Variants in NAV1 observed in about 807,000 individuals in gnomAD.
The protein encoded by NAV1 is pore membrane and/or filament interacting like protein 3.
In NAV1, 18 loss-of-function variants were observed where a neutral mutation model predicts 175.2. The observed-to-expected ratio is 0.10, with a 90% CI of 0.07 to 0.15. The LOEUF (loss-of-function observed/expected upper bound fraction) is 0.15, where lower values mean the gene tolerates loss of function less well. Ranked by LOEUF, NAV1 falls within the 10% of genes least tolerant of loss-of-function variation. The pLI is 1.00. For synonymous variants in NAV1, 897 were observed against 978.7 expected, an observed-to-expected ratio of 0.92 and a Z score of 1.56; for missense variants, 1,731 against 2,436.6, an observed-to-expected ratio of 0.71 and a Z score of 6.10.
In NAV1 at chr1:201,689,948, G is replaced by A. The variant is rs553377553; in HGVS notation, c.758-22869G>A. On this transcript the variant is annotated intron_variant, in intron 1 of 29. Transcript: ENST00000367296. ...GTGGCAGAGTGTGTCTGGTTCCTCC[G>A]TGGCCTGTCTGTGGCAGAATGCTGG... 7.0e-4 allele frequency among the ~76,000 whole-genome samples: 94 copies of A among 133,988 alleles called. 4 individuals carry two copies. In the South Asian group the frequency reaches 0.02, roughly 28 times the overall value. The allele number at this position is 133,988 out of a possible 152,430, so 87.9% of individuals were successfully genotyped here.
chr1:201,714,011 C>T (rs1672028167), intron 2 of NAV1, among the ~76,000 whole-genome samples: 1 of 152,188 alleles, frequency 6.6e-6, no homozygotes, highest in African/African-American at 2.4e-5. Context: ...GAGTCTCATT[C>T]TGTCGCCCAC....
chr1:201,594,617 C>T (rs573112338), intron 2 of NAV1, among the ~76,000 whole-genome samples: 26 of 152,318 alleles, frequency 1.7e-4, no homozygotes, highest in Non-Finnish European at 3.1e-4. Flanking sequence ...AGGCAGGCAG[C>T]AAAGTAGCAT....
intron 3 of NAV1, among the ~76,000 whole-genome samples, chr1:201,755,765 C>T (rs2102612735): frequency 6.6e-6 from 1 of 152,224 alleles, no homozygotes; most frequent in South Asian, 2.1e-4. Context: ...TAAACCTCCT[C>T]CTTATGCCTG....
chr1:201,599,010 C>A (rs1667441450), intron 2 of NAV1, among the ~76,000 whole-genome samples: 1 of 152,174 alleles, frequency 6.6e-6, no homozygotes. Context: ...ATTTCTGGAG[C>A]CTCTAGTGGG....
intron 2 of NAV1, among the ~76,000 whole-genome samples, chr1:201,631,173 G>GGTGC (rs1668471324): frequency 6.6e-6 from 1 of 152,218 alleles, no homozygotes; most frequent in Admixed American, 6.5e-5. Context: ...AGGGTTCACT[G>GGTGC]CACTGCCTCT....
At chr1:201,590,192 C>T (rs1236270859) in intron 2 of NAV1, among the ~76,000 whole-genome samples, 2 of 152,222 alleles carry the variant, frequency 1.3e-5, no homozygotes, top group Non-Finnish European at 2.9e-5. Context: ...CATGCCCGCC[C>T]AGGGAAGACA....
Position 201,812,328 on chromosome 1 carries a change from T to C in NAV1, c.5025-137T>C. 1 of 822,786 alleles carries C rather than the reference T, an allele frequency of 1.2e-6. No homozygotes were observed. The highest frequency in any genetic ancestry group is 1.7e-5 in the South Asian group (1 of 59,086). The allele number at this position is 822,786 out of a possible 1,614,324, so 51.0% of individuals were successfully genotyped here. A position where few individuals can be genotyped will look rare whatever the true frequency, so the allele number is the denominator to read the frequency against. On this transcript the variant is annotated intron_variant, in intron 26 of 29. Transcript: ENST00000367296. This position sits in a 1 kb window ranked among gnomAD's most constrained non-coding sequence, Gnocchi z 4.6. ...AGGGCTGCTGCTCTGAGTTCCGATG[T>C]CCCCACTATTACTTGAAAAGAAACC...
chr1:201,557,133 T>C (rs1462335781), intron 1 of NAV1, among the ~76,000 whole-genome samples: 2 of 152,160 alleles, frequency 1.3e-5, no homozygotes, highest in Non-Finnish European at 2.9e-5. Flanking sequence ...TTCTATGCAT[T>C]CCCACGGCAC....
intron 2 of NAV1, among the ~76,000 whole-genome samples, chr1:201,590,156 G>A (rs1367159389): frequency 6.6e-6 from 1 of 152,204 alleles, no homozygotes; most frequent in East Asian, 1.9e-4. Flanking sequence ...GCCTCCCAAA[G>A]TACTGGGATT....
intron 1 of NAV1, among the ~76,000 whole-genome samples, chr1:201,559,896 G>C (rs376120797): frequency 6.6e-6 from 1 of 152,184 alleles, no homozygotes; most frequent in Non-Finnish European, 1.5e-5. Context: ...TATGCAGGCA[G>C]CTCGCAGCTC....
At chr1:201,666,576 G>A (rs952398162) in intron 1 of NAV1, among the ~76,000 whole-genome samples, 2 of 152,160 alleles carry the variant, frequency 1.3e-5, no homozygotes, top group African/African-American at 4.8e-5. Flanking sequence ...ATAAGAGCCA[G>A]GAGTGATGGG....
At chr1:201,611,475 G>C (rs1667843047) in intron 2 of NAV1, among the ~76,000 whole-genome samples, 1 of 152,208 alleles carries the variant, frequency 6.6e-6, no homozygotes, top group Non-Finnish European at 1.5e-5. Flanking sequence ...GCAATGCCCA[G>C]TCTGGAAACA....
In NAV1 at chr1:201,782,100, T is replaced by C. The variant is rs1571487243; in HGVS notation, c.1664-76T>C. 3 of 1,303,530 alleles carry C rather than the reference T, an allele frequency of 2.3e-6. No homozygotes were observed. The highest frequency in any genetic ancestry group is 3.2e-6 in the Non-Finnish European group (3 of 946,334). The allele number at this position is 1,303,530 out of a possible 1,614,324, so 80.7% of individuals were successfully genotyped here. ...ACATGGACAATGTTCCCTTCTCCCA[T>C]GGAGGGAAAGAAAAGGGTGGGTTTT... On this transcript the variant is annotated intron_variant, in intron 5 of 29. Transcript: ENST00000367296. This position sits in a 1 kb window ranked among gnomAD's most constrained non-coding sequence, Gnocchi z 5.4.
intron 2 of NAV1, among the ~76,000 whole-genome samples, chr1:201,593,152 G>T (rs2102216949): frequency 6.6e-6 from 1 of 152,336 alleles, no homozygotes; most frequent in East Asian, 1.9e-4. Context: ...GTTGGGATGT[G>T]GGGTGGGAAT....
chr1:201,782,437 T>C lies in NAV1; in HGVS notation c.1925T>C (p.Val642Ala). ...TCCTCAGGCATCCCTGTCAAGCCAGTAAATGGGCGCAAGACTAGCTTAGAT... is the reference window on the plus strand; with the variant it reads ...TCCTCAGGCATCCCTGTCAAGCCAGCAAATGGGCGCAAGACTAGCTTAGAT... The change falls in exon 6 of 30, where the codon GTA becomes GCA. Residue 642 changes from valine to alanine, a missense_variant. Val to Ala is a moderately conservative substitution (Grantham distance 64). Transcript: ENST00000367296. This position sits in a 1 kb window ranked among gnomAD's most constrained non-coding sequence, Gnocchi z 5.4. The C allele has an allele frequency of 6.2e-7, 1 of 1,614,014 alleles. No individual in the cohort carries two copies. The highest frequency in any genetic ancestry group is 8.5e-7 in the Non-Finnish European group (1 of 1,179,922).
At chr1:201,721,363 G>A (rs1672377866) in intron 3 of NAV1, among the ~76,000 whole-genome samples, 1 of 152,238 alleles carries the variant, frequency 6.6e-6, no homozygotes, top group Admixed American at 6.5e-5. Flanking sequence ...GAGTTGAAGG[G>A]AATCAACTTA....
chr1:201,768,773 A>C (rs200363914), intron 3 of NAV1, among the ~76,000 whole-genome samples: 1 of 152,166 alleles, frequency 6.6e-6, no homozygotes, highest in Non-Finnish European at 1.5e-5. Context: ...AGGTTTGACC[A>C]ATTTTTTACC....
intron 3 of NAV1, chr1:201,739,823 CACTTTAA>C: frequency 4.0e-6 from 5 of 1,236,666 alleles, no homozygotes; most frequent in Non-Finnish European, 5.1e-6. Flanking sequence ...GGGGCTCTGT[CACTTTAA>C]GTACAGCTGG....
chr1:201,739,853 A>T, intron 3 of NAV1: 1 of 1,272,560 alleles, frequency 7.9e-7, no homozygotes, highest in Non-Finnish European at 1.0e-6. Flanking sequence ...CCGTAAGTAC[A>T]AGCCCTGGTG....
Sources: gnomAD v4.1 joint callset for allele counts (sites outside exome capture counted in the v4.1 genomes callset) on GRCh38, gnomAD v4.1.1 for gene constraint, Gnocchi (gnomAD v3.1) non-coding constraint, MANE v1.5 for transcripts, NCBI Gene and HGNC (gene_info 2026-07-23, HGNC 2026-07-21) for gene names.